The following ATOSA variants were observed in gnomAD, a reference collection of about 807,000 sequenced individuals.
The protein encoded by ATOSA is atos homolog A, also known as atos homolog protein A.
chr15:52,632,315 G>A, the ATOSA span, among the ~76,000 whole-genome samples: 2 of 152,126 alleles, frequency 1.3e-5, no homozygotes, highest in African/African-American at 2.4e-5. Flanking sequence ...AATTTCTTCT[G>A]TTGGTTTAAA....
chr15:52,592,590 G>A, the ATOSA span, among the ~76,000 whole-genome samples: 4 of 152,130 alleles, frequency 2.6e-5, no homozygotes, highest in Admixed American at 2.6e-4. Flanking sequence ...TGGCTTCCCT[G>A]GGCCACACTG....
At chr15:52,620,895 A>C in the ATOSA span, among the ~76,000 whole-genome samples, 136,648 of 152,186 alleles carry the variant, frequency 0.9, 61,412 homozygotes, top group East Asian at 1. Context: ...TGGGATTGTG[A>C]CACCGCACTC....
chr15:52,656,128 GA>G, the ATOSA span: 7 of 151,984 alleles, frequency 4.6e-5, no homozygotes, highest in African/African-American at 1.4e-4. Context: ...CTGTGAAGCT[GA>G]TTTTTTTTTA....
At chr15:52,647,296 T>C in the ATOSA span, among the ~76,000 whole-genome samples, 2 of 151,814 alleles carry the variant, frequency 1.3e-5, no homozygotes, top group African/African-American at 4.8e-5. Flanking sequence ...AAAAATAGAA[T>C]GGAAACCAGA....
chr15:52,699,800 C>G, the ATOSA span, among the ~76,000 whole-genome samples: 5 of 152,120 alleles, frequency 3.3e-5, no homozygotes, highest in Non-Finnish European at 7.4e-5. Flanking sequence ...ATCACCATGC[C>G]TTACTGTAGC....
chr15:52,584,090 G>GAAAA, the ATOSA span, among the ~76,000 whole-genome samples: 125 of 41,794 alleles, frequency 3.0e-3, no homozygotes, highest in East Asian at 4.6e-3. Context: ...GTCTCAAGAA[G>GAAAA]AAAAAAAAAA....
the ATOSA span, among the ~76,000 whole-genome samples, chr15:52,686,853 C>A: frequency 6.6e-6 from 1 of 152,202 alleles, no homozygotes; most frequent in Non-Finnish European, 1.5e-5. Context: ...TGAATAATTT[C>A]ATGCTGCCAT....
At chr15:52,594,740 G>A in the ATOSA span, among the ~76,000 whole-genome samples, 3 of 152,066 alleles carry the variant, frequency 2.0e-5, no homozygotes, top group Non-Finnish European at 4.4e-5. Context: ...CACTATCCTA[G>A]TGACCTAGGT....
At chr15:52,612,739 G>A in the ATOSA span, among the ~76,000 whole-genome samples, 4 of 151,796 alleles carry the variant, frequency 2.6e-5, no homozygotes, top group Admixed American at 6.6e-5. Flanking sequence ...TCCTGACCTC[G>A]TGATGCACCC....
chr15:52,600,029 C>A, the ATOSA span: 11 of 509,606 alleles, frequency 2.2e-5, no homozygotes, highest in South Asian at 3.6e-4. Flanking sequence ...ACAATTATTT[C>A]TTTCCTTTTC....
the ATOSA span, chr15:52,658,754 C>T: frequency 1.2e-5 from 3 of 247,528 alleles, no homozygotes; most frequent in African/African-American, 9.0e-5. Context: ...TGCTTGAGGA[C>T]ATGAGTTTAA....
chr15:52,585,121 T>C, the ATOSA span: 2 of 516,022 alleles, frequency 3.9e-6, no homozygotes, highest in Non-Finnish European at 6.5e-6. Flanking sequence ...AATATTATTT[T>C]TTAAAAGGTT....
the ATOSA span, among the ~76,000 whole-genome samples, chr15:52,707,567 T>A: frequency 6.6e-6 from 1 of 152,214 alleles, no homozygotes; most frequent in Non-Finnish European, 1.5e-5. Flanking sequence ...TTCAATCCTA[T>A]GTTGGTGGGA....
chr15:52,697,395 T>C, the ATOSA span, among the ~76,000 whole-genome samples: 5 of 152,342 alleles, frequency 3.3e-5, no homozygotes, highest in Admixed American at 2.6e-4. Context: ...CTTGCCTCTC[T>C]TTCTCCACAG....
chr15:52,669,675 A>T, the ATOSA span, among the ~76,000 whole-genome samples: 3 of 152,258 alleles, frequency 2.0e-5, no homozygotes, highest in East Asian at 3.8e-4. Context: ...ATTCCCAAAT[A>T]CAGATTGGTC....
chr15:52,605,629 A>AAT, the ATOSA span, among the ~76,000 whole-genome samples: 4 of 152,088 alleles, frequency 2.6e-5, no homozygotes, highest in East Asian at 5.8e-4. Context: ...GTTTACACAC[A>AAT]ATATATATAT....
At chr15:52,614,635 G>A in the ATOSA span, among the ~76,000 whole-genome samples, 1 of 151,658 alleles carries the variant, frequency 6.6e-6, no homozygotes, top group African/African-American at 2.4e-5. Context: ...ATCACCTGAG[G>A]TCGGGAATTT....
chr15:52,638,201 T>C, the ATOSA span, among the ~76,000 whole-genome samples: 1 of 152,230 alleles, frequency 6.6e-6, no homozygotes, highest in Non-Finnish European at 1.5e-5. Context: ...TAATTTAGAA[T>C]GAATCGAGTG....
the ATOSA span, among the ~76,000 whole-genome samples, chr15:52,691,729 G>A: frequency 3.3e-5 from 5 of 152,174 alleles, no homozygotes; most frequent in African/African-American, 1.2e-4. Context: ...CAGCTACTCA[G>A]GAGGCTGAGG....
Sources: gnomAD v4.1 joint callset for allele counts (sites outside exome capture counted in the v4.1 genomes callset) on GRCh38, gnomAD v4.1.1 for gene constraint, MANE v1.5 for transcripts, NCBI Gene and HGNC (gene_info 2026-07-23, HGNC 2026-07-21) for gene names.